Variants in CIT observed in about 807,000 individuals in gnomAD.
The protein encoded by CIT is citron rho-interacting serine/threonine kinase.
In CIT, 79 loss-of-function variants were observed where a neutral mutation model predicts 272.7. The observed-to-expected ratio is 0.29, with a 90% CI of 0.24 to 0.35. The LOEUF (loss-of-function observed/expected upper bound fraction) is 0.35, where lower values mean the gene tolerates loss of function less well. Among genes scored for constraint, CIT ranks in the 10% least tolerant of loss-of-function variants. The probability of loss-of-function intolerance (pLI) is 1.00; values close to 1 mark genes in which losing one functional copy is unlikely to be tolerated. For missense variants in CIT, 1,909 were observed against 2,618.3 expected, an observed-to-expected ratio of 0.73 and a Z score of 5.91; for synonymous variants, 948 against 995.6, an observed-to-expected ratio of 0.95 and a Z score of 0.90.
chr12:119,854,296 G>T (rs1970427660), intron 4 of CIT, among the ~76,000 whole-genome samples: 1 of 151,148 alleles, frequency 6.6e-6, no homozygotes, highest in Non-Finnish European at 1.5e-5. Flanking sequence ...CAAAGTGCTG[G>T]GATTACAGGC....
intron 16 of CIT, 76 bp downstream of exon 16, chr12:119,775,710 T>C: frequency 8.8e-7 from 1 of 1,136,812 alleles, no homozygotes; most frequent in Non-Finnish European, 1.3e-6. Context: ...TCATCTTTCG[T>C]GCTCTGGGAC....
intron 9 of CIT, among the ~76,000 whole-genome samples, chr12:119,810,571 G>A (rs1038923126): frequency 6.6e-6 from 1 of 151,756 alleles, no homozygotes; most frequent in Non-Finnish European, 1.5e-5. Context: ...GGAGTGGTGG[G>A]GTGCTCCTGT....
intron 23 of CIT, among the ~76,000 whole-genome samples, chr12:119,744,393 T>C (rs889771303): frequency 3.5e-4 from 53 of 149,574 alleles, no homozygotes; most frequent in African/African-American, 1.3e-3. Context: ...GTGATCCTTC[T>C]ATTTAATTAT....
intron 32 of CIT, among the ~76,000 whole-genome samples, chr12:119,717,700 C>A (rs1175383411): frequency 1.3e-5 from 2 of 151,538 alleles, no homozygotes; most frequent in East Asian, 2.0e-4. Flanking sequence ...GGATTACTGG[C>A]GTGAGCCACC....
At position 119,735,154 on chromosome 12, in the gene CIT, C is replaced by A; in HGVS notation, c.3156+6G>T. ...GGGATCTCACGACCTTGTTAACCCTCCTTACTTGCTTCTGGCTGGTAAGCT... is the reference window on the plus strand; with the variant it reads ...GGGATCTCACGACCTTGTTAACCCTACTTACTTGCTTCTGGCTGGTAAGCT... On this transcript the variant is annotated splice_donor_region_variant and intron_variant, in intron 25 of 47. Transcript: ENST00000392521. 1.2e-6 allele frequency: 2 copies of A among 1,613,352 alleles called. No homozygotes were observed. The highest frequency in any genetic ancestry group is 8.5e-7 in the Non-Finnish European group (1 of 1,179,888).
rs926260381 is a variant in CIT at position 119,784,839 on chromosome 12, G to T, written c.1401+121C>A. On this transcript the variant is annotated intron_variant, in intron 11 of 47. Coordinates refer to ENST00000392521, the MANE Select transcript of CIT (RefSeq NM_001206999.2). The surrounding 1 kb of genome is among the most constrained non-coding windows in gnomAD (Gnocchi z 4.7). ...AGGCGCGACTTCAGCGAAGGCAGGA[G>T]CGCCTCACTCTCTACGGATCAGGCG... 3.4e-6 allele frequency: 5 copies of T among 1,460,620 alleles called. No homozygotes were observed. Among genetic ancestry groups the T allele is most frequent in the Admixed American group, 2.7e-5 (1 of 36,766 alleles). 90.5% of individuals were successfully genotyped at this position (1,460,620 alleles called of 1,614,324 possible). A position where few individuals can be genotyped will look rare whatever the true frequency, so the allele number is the denominator to read the frequency against.
intron 40 of CIT, among the ~76,000 whole-genome samples, chr12:119,706,174 T>C (rs1593411495): frequency 6.6e-6 from 1 of 151,670 alleles, no homozygotes; most frequent in East Asian, 1.9e-4. Context: ...AATGCGATGG[T>C]TTTCAACAGC....
At chr12:119,869,703 T>A (rs975166018) in intron 2 of CIT, among the ~76,000 whole-genome samples, 1 of 152,172 alleles carries the variant, frequency 6.6e-6, no homozygotes, top group Non-Finnish European at 1.5e-5. Context: ...AGTTACAAAC[T>A]GGCAGACTGT....
At position 119,812,531 on chromosome 12, in the gene CIT, C is replaced by T. The variant is rs1183541186; in HGVS notation, c.1112-9142G>A. Among the ~76,000 whole-genome samples, 3 of 152,040 alleles carry T rather than the reference C, an allele frequency of 2.0e-5. No homozygotes were observed. In the East Asian group the frequency reaches 5.8e-4, roughly 30 times the overall value. The stretch of plus-strand genomic sequence containing the variant: ...CATAGTTCACTATAAGCTTGAACTC[C>T]TGGGCTCAAGCAATCCTCCCACCTC... On this transcript the variant is annotated intron_variant, in intron 9 of 47. Coordinates refer to ENST00000392521, the MANE Select transcript of CIT (RefSeq NM_001206999.2).
In CIT at chr12:119,758,675, A is replaced by T. The variant is rs779465412; in HGVS notation, c.2447T>A (p.Ile816Asn). 4.3e-6 allele frequency: 7 copies of T among 1,612,988 alleles called. No homozygotes were observed. Among genetic ancestry groups the T allele is most frequent in the Non-Finnish European group, 5.9e-6 (7 of 1,178,982 alleles). ...CACAATCCTCTGTTCCAGGGATCTG[A>T]TCTTGGAATCCATAGCATTGATCAT... ...KAMINAMDSKIRSLEQRIVEL... is the reference protein window; with the variant it reads ...KAMINAMDSKNRSLEQRIVEL... Residue 816 changes from isoleucine (I) to asparagine (N), a missense_variant, in exon 21 of 48, where the codon ATC becomes AAC. Around this residue, in one of 8 missense-constraint regions of CIT, gnomAD observed 530 missense variants for 822.4 expected, o/e 0.64. Transcript: ENST00000392521.
chr12:119,824,414 T>A (rs1050820880), intron 8 of CIT, among the ~76,000 whole-genome samples: 1 of 152,158 alleles, frequency 6.6e-6, no homozygotes, highest in Non-Finnish European at 1.5e-5. Context: ...ATTCTAAGAC[T>A]CACAGTTATT....
chr12:119,737,640 C>T (rs1958850167), intron 24 of CIT, among the ~76,000 whole-genome samples: 1 of 152,060 alleles, frequency 6.6e-6, no homozygotes, highest in Non-Finnish European at 1.5e-5. Flanking sequence ...TTCTATTTCC[C>T]TGTTGTCATC....
In CIT at chr12:119,783,725, C is replaced by A. The variant is rs1964513657; in HGVS notation, c.1545+183G>T. The stretch of plus-strand genomic sequence containing the variant: ...GCTGGAAATGAGTCCAATCTCATTT[C>A]TTGGGGACCTTACGCCTGGCTCTCA... On this transcript the variant is annotated intron_variant, in intron 12 of 47. Coordinates refer to ENST00000392521, the MANE Select transcript of CIT (RefSeq NM_001206999.2). 1.9e-5 allele frequency: 12 copies of A among 636,222 alleles called. No individual in the cohort carries two copies. The South Asian group carries it at 4.0e-4, about 21-fold the overall frequency. The allele number at this position is 636,222 out of a possible 1,614,324, so 39.4% of individuals were successfully genotyped here. A position where few individuals can be genotyped will look rare whatever the true frequency, so the allele number is the denominator to read the frequency against.
intron 28 of CIT, 44 bp from the exon 29 acceptor site, chr12:119,721,493 A>G (rs1052732724): frequency 6.5e-7 from 1 of 1,529,778 alleles, no homozygotes; most frequent in African/African-American, 1.4e-5. Context: ...ACTGCACACA[A>G]TACAATTTGT....
At chr12:119,747,692 CCT>C (rs2137375291) in intron 23 of CIT, among the ~76,000 whole-genome samples, 3 of 152,208 alleles carry the variant, frequency 2.0e-5, no homozygotes, top group African/African-American at 7.2e-5. Context: ...TGCACTCCAG[CCT>C]GGCAAGAGAG....
intron 23 of CIT, chr12:119,742,806 T>C (rs1469780377): frequency 5.2e-6 from 1 of 193,118 alleles, no homozygotes; most frequent in East Asian, 1.3e-4. Context: ...CTATTCCCAT[T>C]CTGAAAAGAT....
intron 4 of CIT, among the ~76,000 whole-genome samples, chr12:119,857,037 AC>A (rs987699551): frequency 3.3e-5 from 5 of 152,216 alleles, no homozygotes; most frequent in African/African-American, 1.2e-4. Context: ...AAATACCACA[AC>A]AAAAAAGATA....
At chr12:119,769,478 T>TTGAA (rs1396159775) in intron 18 of CIT, among the ~76,000 whole-genome samples, 1 of 152,204 alleles carries the variant, frequency 6.6e-6, no homozygotes, top group Non-Finnish European at 1.5e-5. Context: ...TAAATATTTG[T>TTGAA]TGAATGAATG....
At chr12:119,698,936 T>C (rs1956389665) in intron 44 of CIT, among the ~76,000 whole-genome samples, 1 of 152,138 alleles carries the variant, frequency 6.6e-6, no homozygotes, top group Non-Finnish European at 1.5e-5. Flanking sequence ...ATTGTAAACA[T>C]CTTCAAAGAA....
Sources: allele counts gnomAD v4.1 joint callset (sites outside exome capture counted in the v4.1 genomes callset), GRCh38; gene constraint gnomAD v4.1.1; regional missense constraint gnomAD v4.1.1; non-coding constraint Gnocchi (gnomAD v3.1); transcripts MANE v1.5; gene names NCBI Gene and HGNC (gene_info 2026-07-23, HGNC 2026-07-21).